The following MSH6 variants were observed in gnomAD, a reference collection of about 807,000 sequenced individuals.
The protein encoded by MSH6 is DNA mismatch repair protein Msh6.
A neutral mutation model predicts 119.1 loss-of-function variants in MSH6; 85 were observed. The observed-to-expected ratio is 0.71, with a 90% CI of 0.60 to 0.85. MSH6 has a LOEUF of 0.85. Ranked by LOEUF, MSH6 falls within the 40% of genes least tolerant of loss-of-function variation. The pLI, the probability that MSH6 is intolerant of heterozygous loss-of-function variation, is 0.00. For synonymous variants in MSH6, 830 were observed against 586.9 expected (o/e 1.41, Z -5.99); for missense variants, 2,163 against 1,655.3 (o/e 1.31, Z -5.32).
intron 1 of MSH6, chr2:47,784,191 G>T: frequency 9.9e-7 from 1 of 1,005,554 alleles, no homozygotes; most frequent in Non-Finnish European, 1.2e-6. Context: ...AATTGGGCGG[G>T]GCGGGGCCGT....
chr2:47,809,119 T>G (rs1416617883), downstream of MSH6: 2 of 1,269,814 alleles, frequency 1.6e-6, no homozygotes, highest in Non-Finnish European at 2.2e-6. Flanking sequence ...AGGAAATCAG[T>G]CTTCCTCTTT....
chr2:47,784,071 C>T, intron 1 of MSH6: 1 of 1,009,522 alleles, frequency 9.9e-7, no homozygotes, highest in Non-Finnish European at 1.2e-6. Context: ...CCGCGGTCGC[C>T]GAGACGCCTT....
rs3136291 is a variant in MSH6 at position 47,793,128 on chromosome 2, C to G, written c.457+2005C>G. Among the ~76,000 whole-genome samples, 806 of 151,506 alleles carry G rather than the reference C, an allele frequency of 5.3e-3. 5 individuals carry two copies. The highest frequency in any genetic ancestry group is 7.7e-3 in the Non-Finnish European group (524 of 67,846). On this transcript the variant is annotated intron_variant, in intron 2 of 9. Coordinates refer to ENST00000234420, the MANE Select transcript of MSH6 (RefSeq NM_000179.3). Reference sequence around the variant, plus strand: ...CTGAGGTCAGGAGTTCCAGACTAGCCTGGCAAACATGGTGAAATCCCGTCT... The same window carrying G: ...CTGAGGTCAGGAGTTCCAGACTAGCGTGGCAAACATGGTGAAATCCCGTCT...
In MSH6 at chr2:47,800,138, A is replaced by T. The variant is rs1312413528; in HGVS notation, c.2155A>T (p.Thr719Ser). 6.2e-7 allele frequency: 1 copy of T among 1,614,232 alleles called. No homozygotes were observed. Among genetic ancestry groups the T allele is most frequent in the South Asian group, 1.1e-5 (1 of 91,088 alleles). The change falls in exon 4 of 10, where the codon ACT becomes TCT. Residue 719 changes from threonine to serine, a missense_variant. Physicochemically the swap from Thr to Ser is moderately conservative, Grantham distance 58. Coordinates refer to ENST00000234420, the MANE Select transcript of MSH6 (RefSeq NM_000179.3). ...YIPLDSDTVSTTRSGAIFTKA... is the reference protein window; with the variant it reads ...YIPLDSDTVSSTRSGAIFTKA... ...TCCCTTGGATTCTGACACAGTCAGC[A>T]CTACAAGATCTGGTGCTATCTTCAC...
intron 2 of MSH6, among the ~76,000 whole-genome samples, chr2:47,793,366 G>C (rs1297009962): frequency 7.2e-6 from 1 of 138,172 alleles, no homozygotes; most frequent in Non-Finnish European, 1.5e-5. Context: ...ACGGTGGCTC[G>C]CGCCTGTAAT....
At position 47,800,558 on chromosome 2, in the gene MSH6, C is replaced by G. The variant is rs1553413924; in HGVS notation, c.2575C>G (p.Leu859Val). 6.2e-7 allele frequency: 1 copy of G among 1,613,662 alleles called. No homozygotes were observed. The highest frequency in any genetic ancestry group is 8.5e-7 in the Non-Finnish European group (1 of 1,179,954). Residue 859 changes from leucine to valine, a missense_variant, in exon 4 of 10, where the codon CTT becomes GTT. Physicochemically the swap from Leu to Val is conservative, Grantham distance 32. Transcript: ENST00000234420. The part of the protein sequence containing the change: ...TYSKKKIIDF[L>V]SALEGFKVMC... ...CAGCAAGAAGAAGATTATTGATTTT[C>G]TTTCTGCTCTGGAAGGATTCAAAGT...
At chr2:47,791,361 A>C (rs1480445110) in intron 2 of MSH6, among the ~76,000 whole-genome samples, 3 of 152,188 alleles carry the variant, frequency 2.0e-5, no homozygotes, top group Non-Finnish European at 4.4e-5. Context: ...GACTTACAGC[A>C]ATATTATACC....
downstream of MSH6, chr2:47,807,860 A>C (rs1009390576): frequency 1.4e-5 from 5 of 351,358 alleles, no homozygotes; most frequent in Non-Finnish European, 2.1e-5. Context: ...TCTGTACAAA[A>C]TTGCAGCTTA....
chr2:47,806,921 T>A lies in MSH6; in HGVS notation c.*61T>A. 1 of 1,197,064 alleles carries A rather than the reference T, an allele frequency of 8.4e-7. No individual in the cohort carries two copies. Among genetic ancestry groups the A allele is most frequent in the Non-Finnish European group, 1.2e-6 (1 of 809,912 alleles). The allele number at this position is 1,197,064 out of a possible 1,614,324, so 74.2% of individuals were successfully genotyped here. Reference sequence around the variant, plus strand: ...CAAAGGTGGTAAATTCAGACAACATTATGATCTAATAAACTTTATTTTTTA... The same window carrying A: ...CAAAGGTGGTAAATTCAGACAACATAATGATCTAATAAACTTTATTTTTTA... On this transcript the variant is annotated 3_prime_UTR_variant, in exon 10 of 10. Transcript: ENST00000234420.
chr2:47,783,531 G>A, intron 1 of MSH6, 38 bp downstream of exon 1: 1 of 1,406,892 alleles, frequency 7.1e-7, no homozygotes, highest in East Asian at 2.9e-5. Flanking sequence ...CGGGGGCATA[G>A]CGGCGGGGCG....
At chr2:47,793,240 G>T in intron 2 of MSH6, among the ~76,000 whole-genome samples, 1 of 137,882 alleles carries the variant, frequency 7.3e-6, no homozygotes, top group East Asian at 2.4e-4. Flanking sequence ...AGAATCGCTT[G>T]AATCTAGGAG....
intron 1 of MSH6, chr2:47,789,241 A>G (rs2104062325): frequency 3.3e-6 from 1 of 301,604 alleles, no homozygotes; most frequent in Non-Finnish European, 6.8e-6. Flanking sequence ...CTATTTCTTA[A>G]CAGCAGAGAA....
intron 7 of MSH6, 129 bp from the exon 8 acceptor site, chr2:47,806,075 A>C: frequency 1.1e-6 from 1 of 906,960 alleles, no homozygotes; most frequent in East Asian, 2.6e-5. Flanking sequence ...AACAAGGCCT[A>C]TTTATAGAAT....
rs748398941 is a variant in MSH6 at position 47,805,000 on chromosome 2, C to G, written c.3529C>G (p.Leu1177Val). Residue 1177 changes from leucine to valine, a missense_variant, in exon 6 of 10, where the codon CTT becomes GTT. Leu to Val is a conservative substitution (Grantham distance 32). Transcript: ENST00000234420. ...ACCAATTGATAGAGTGTTTACTAGA[C>G]TTGGTGCCTCAGACAGAATAATGTC... ...LTPIDRVFTR[L>V]GASDRIMSGE... 7 of 1,613,632 alleles carry G rather than the reference C, an allele frequency of 4.3e-6. No individual in the cohort carries two copies. The East Asian group carries it at 1.6e-4, about 36-fold the overall frequency.
chr2:47,793,075 C>T (rs1343118191), intron 2 of MSH6, among the ~76,000 whole-genome samples: 1 of 151,550 alleles, frequency 6.6e-6, no homozygotes, highest in Non-Finnish European at 1.5e-5. Context: ...AATCCCAGCG[C>T]TTTGGAAGGC....
intron 4 of MSH6, chr2:47,801,387 G>GA (rs2104449008): frequency 1.3e-5 from 2 of 149,176 alleles, no homozygotes. Context: ...TTTTTTTTTT[G>GA]AGACATGGTC....
chr2:47,800,589 G>C lies in MSH6; in HGVS notation c.2606G>C (p.Cys869Ser), dbSNP rs1395549583. The stretch of plus-strand genomic sequence containing the variant: ...GCTCTGGAAGGATTCAAAGTAATGT[G>C]TAAAATTATAGGGATCATGGAAGAA... ...LSALEGFKVMCKIIGIMEEVA... is the reference protein window; with the variant it reads ...LSALEGFKVMSKIIGIMEEVA... The change falls in exon 4 of 10, where the codon TGT becomes TCT. Residue 869 changes from cysteine (C) to serine (S), a missense_variant. Cys to Ser is a moderately radical substitution (Grantham distance 112). Coordinates refer to ENST00000234420, the MANE Select transcript of MSH6 (RefSeq NM_000179.3). 1 of 1,614,124 alleles carries C rather than the reference G, an allele frequency of 6.2e-7. No homozygotes were observed. The highest frequency in any genetic ancestry group is 8.5e-7 in the Non-Finnish European group (1 of 1,180,006).
rs878853746 is a variant in MSH6 at position 47,791,074 on chromosome 2, C to G, written c.408C>G (p.Asp136Glu). The G allele has an allele frequency of 6.2e-7, 1 of 1,614,198 alleles. No individual in the cohort carries two copies. The highest frequency in any genetic ancestry group is 8.5e-7 in the Non-Finnish European group (1 of 1,180,038). ...GTGTTCATGTACAGTTTTTTGATGA[C>G]AGCCCAACAAGGGGCTGGGTTAGCA... ...SVRVHVQFFD[D>E]SPTRGWVSKR... The change falls in exon 2 of 10, where the codon GAC (aspartate) becomes GAG (glutamate). Residue 136 changes from aspartate to glutamate, a missense_variant. Physicochemically the swap from Asp to Glu is conservative, Grantham distance 45 (BLOSUM62 2). Transcript: ENST00000234420.
rs1668683890 is a variant in MSH6 at position 47,790,931 on chromosome 2, G to A, written c.265G>A (p.Asp89Asn). ...SVAPAAPTSC[D>N]FSPGDLVWAK... ...TGTATTTCCTTTTGGCAACAGTTGT[G>A]ACTTCTCACCAGGAGATTTGGTTTG... is the stretch of plus-strand genomic sequence containing the variant. Residue 89 changes from aspartate (D) to asparagine (N), a missense_variant, in exon 2 of 10, where the codon GAC (aspartate) becomes AAC (asparagine). Transcript: ENST00000234420. 6.2e-7 allele frequency: 1 copy of A among 1,614,156 alleles called. No individual in the cohort carries two copies. The highest frequency in any genetic ancestry group is 8.5e-7 in the Non-Finnish European group (1 of 1,180,020).
Sources: gnomAD v4.1 joint callset for allele counts (sites outside exome capture counted in the v4.1 genomes callset) on GRCh38, gnomAD v4.1.1 for gene constraint, MANE v1.5 for transcripts, NCBI Gene and HGNC (gene_info 2026-07-23, HGNC 2026-07-21) for gene names.